The following SLC39A11 variants were observed in gnomAD, a reference collection of about 807,000 sequenced individuals.
SLC39A11 encodes the protein solute carrier family 39 member 11.
Under a neutral mutation model 36.1 loss-of-function variants are expected in SLC39A11, and 33 were observed. That is an observed-to-expected ratio of 0.91 (90% confidence interval 0.69 to 1.22). The LOEUF is 1.22. Among genes scored for constraint, SLC39A11 ranks in the 50% most tolerant of loss-of-function variants. SLC39A11 has a pLI of 0.00. For synonymous variants in SLC39A11, 166 were observed against 170.3 expected (o/e 0.97, Z 0.20); for missense variants, 432 against 430.3 (o/e 1.00, Z -0.03).
At chr17:72,957,041 G>T (rs1185295985) in intron 4 of SLC39A11, among the ~76,000 whole-genome samples, 1 of 152,084 alleles carries the variant, frequency 6.6e-6, no homozygotes, top group Non-Finnish European at 1.5e-5. Context: ...AGTTGGCCAG[G>T]AGTTGACTGG....
At chr17:72,810,937 GC>G (rs2077416658) in intron 6 of SLC39A11, among the ~76,000 whole-genome samples, 2 of 152,182 alleles carry the variant, frequency 1.3e-5, no homozygotes, top group South Asian at 4.2e-4. Flanking sequence ...CAGGTGATCT[GC>G]CTGCCTTGGC....
intron 5 of SLC39A11, among the ~76,000 whole-genome samples, chr17:72,855,084 C>G (rs1370219067): frequency 6.6e-6 from 1 of 152,198 alleles, no homozygotes; most frequent in Non-Finnish European, 1.5e-5. Flanking sequence ...TAGTGAATGG[C>G]CCCAAACCAT....
chr17:72,733,070 G>C lies in SLC39A11; in HGVS notation c.671+3580C>G, dbSNP rs548490915. Among the ~76,000 whole-genome samples, 7 of 152,276 alleles carry C rather than the reference G, an allele frequency of 4.6e-5. No individual in the cohort carries two copies. The South Asian group carries it at 1.5e-3, about 32-fold the overall frequency. ...CTACAAGCCCTGGTCTTTAGGCTGG[G>C]CTGTTTCAGTTCCCTGACATCCAAG... On this transcript the variant is annotated intron_variant, in intron 7 of 9. Coordinates refer to ENST00000255559, the MANE Select transcript of SLC39A11 (RefSeq NM_139177.4).
chr17:72,750,325 C>A (rs1277181789), intron 6 of SLC39A11, among the ~76,000 whole-genome samples: 2 of 151,938 alleles, frequency 1.3e-5, no homozygotes, highest in East Asian at 3.9e-4. Context: ...ACCTCGGAAC[C>A]ACAACCACAT....
At chr17:72,779,944 C>T (rs564309467) in intron 6 of SLC39A11, among the ~76,000 whole-genome samples, 1 of 152,260 alleles carries the variant, frequency 6.6e-6, no homozygotes, top group Admixed American at 6.5e-5. Flanking sequence ...AATCCACACC[C>T]CCTTCTACTC....
intron 6 of SLC39A11, among the ~76,000 whole-genome samples, chr17:72,751,407 G>T (rs2075151287): frequency 6.6e-6 from 1 of 152,088 alleles, no homozygotes; most frequent in Admixed American, 6.5e-5. Context: ...CATCGTCTAG[G>T]TTTTAATTAG....
rs558656822 is a variant in SLC39A11 at position 72,762,347 on chromosome 17, G to T, written c.602-25628C>A. 1.7e-4 allele frequency among the ~76,000 whole-genome samples: 26 copies of T among 152,324 alleles called. No homozygotes were observed. In the South Asian group the frequency reaches 4.1e-3, roughly 24 times the overall value. Reference sequence around the variant, plus strand: ...CTGCTTATTATATGCTAATTATAATGCATTAGCATGCTAAGAGACACTCCC... The same window carrying T: ...CTGCTTATTATATGCTAATTATAATTCATTAGCATGCTAAGAGACACTCCC... On this transcript the variant is annotated intron_variant, in intron 6 of 9. Transcript: ENST00000255559.
At chr17:72,761,549 A>G (rs1357673375) in intron 6 of SLC39A11, among the ~76,000 whole-genome samples, 1 of 151,958 alleles carries the variant, frequency 6.6e-6, no homozygotes. Flanking sequence ...TTTATTTCAC[A>G]TTTTCAAACA....
chr17:72,970,175 C>T (rs763032621), intron 4 of SLC39A11, among the ~76,000 whole-genome samples: 10 of 152,186 alleles, frequency 6.6e-5, no homozygotes, highest in East Asian at 5.8e-4. Flanking sequence ...AAGCAGGTCA[C>T]GGTCATTTGG....
At chr17:72,671,136 C>G (rs780733273) in intron 7 of SLC39A11, among the ~76,000 whole-genome samples, 17 of 152,136 alleles carry the variant, frequency 1.1e-4, no homozygotes, top group Non-Finnish European at 7.3e-5. Context: ...TTTAGGACTG[C>G]AGTAATTCAG....
At chr17:72,736,841 ACAGCAGCTTAAACC>A (rs755942097) in intron 6 of SLC39A11, 122 bp from the exon 7 acceptor site, 20 of 837,388 alleles carry the variant, frequency 2.4e-5, no homozygotes, top group Non-Finnish European at 3.6e-5. Flanking sequence ...AATCATCGTA[ACAGCAGCTTAAACC>A]CAGGGAAACT....
chr17:72,922,980 AAAAAAAAAAAC>A (rs1205269180), intron 5 of SLC39A11, among the ~76,000 whole-genome samples: 13 of 137,058 alleles, frequency 9.5e-5, no homozygotes, highest in South Asian at 2.4e-4. Context: ...AAAAAAAAAA[AAAAAAAAAAAC>A]ACACAGAAAA....
chr17:72,962,686 G>A (rs890325770), intron 4 of SLC39A11, among the ~76,000 whole-genome samples: 6 of 152,076 alleles, frequency 3.9e-5, no homozygotes, highest in African/African-American at 7.2e-5. Flanking sequence ...ACAGGCACAC[G>A]CCACCACACC....
At chr17:72,942,268 G>C (rs1339598488) in intron 5 of SLC39A11, among the ~76,000 whole-genome samples, 1 of 151,924 alleles carries the variant, frequency 6.6e-6, no homozygotes, top group Non-Finnish European at 1.5e-5. Context: ...TCAGTTCCTA[G>C]ATAACTCCTC....
At chr17:73,061,716 C>T (rs1394808557) in intron 3 of SLC39A11, among the ~76,000 whole-genome samples, 1 of 152,210 alleles carries the variant, frequency 6.6e-6, no homozygotes, top group East Asian at 1.9e-4. Context: ...TCTGTGCAGG[C>T]TGGGCAAGTG....
chr17:72,706,128 C>G (rs1363108252), intron 7 of SLC39A11, among the ~76,000 whole-genome samples: 1 of 152,202 alleles, frequency 6.6e-6, no homozygotes, highest in Admixed American at 6.5e-5. Context: ...CTGCCGACAC[C>G]TTGGGTTTCA....
chr17:73,068,419 A>G (rs1476322291), intron 3 of SLC39A11: 3 of 416,038 alleles, frequency 7.2e-6, no homozygotes, highest in East Asian at 3.9e-5. Context: ...CATCACCACC[A>G]GTACAACTAG....
chr17:72,715,237 C>G (rs567772045), intron 7 of SLC39A11, among the ~76,000 whole-genome samples: 31 of 152,354 alleles, frequency 2.0e-4, no homozygotes, highest in African/African-American at 6.3e-4. Flanking sequence ...TGCACCATGA[C>G]TAAGTTCTTC....
chr17:72,882,805 T>TTTTTCTTTTTC (rs1303977414), intron 5 of SLC39A11, among the ~76,000 whole-genome samples: 1 of 147,716 alleles, frequency 6.8e-6, no homozygotes, highest in Non-Finnish European at 1.5e-5. Flanking sequence ...TTCTTTTTTT[T>TTTTTCTTTTTC]TTTTTTTTTG....
Sources: gnomAD v4.1 joint callset for allele counts (sites outside exome capture counted in the v4.1 genomes callset) on GRCh38, gnomAD v4.1.1 for gene constraint, MANE v1.5 for transcripts, NCBI Gene and HGNC (gene_info 2026-07-23, HGNC 2026-07-21) for gene names.